SPIRE1: variants seen among roughly 807,000 people sequenced by gnomAD.
The protein encoded by SPIRE1 is spire type actin nucleation factor 1.
Under a neutral mutation model 94.1 loss-of-function variants are expected in SPIRE1, and 40 were observed. The observed-to-expected ratio is 0.43, with a 90% CI of 0.33 to 0.55. The LOEUF (loss-of-function observed/expected upper bound fraction) is 0.55. SPIRE1 is among the 20% of genes least tolerant of loss of function. SPIRE1 has a pLI of 0.06. For missense variants in SPIRE1, 838 were observed against 975.2 expected, an observed-to-expected ratio of 0.86 and a Z score of 1.87; for synonymous variants, 376 against 371.7, an observed-to-expected ratio of 1.01 and a Z score of -0.13.
intron 12 of SPIRE1, among the ~76,000 whole-genome samples, chr18:12,457,710 T>C (rs971857664): frequency 1.3e-5 from 2 of 152,148 alleles, no homozygotes; most frequent in Non-Finnish European, 2.9e-5. Context: ...TTTTTTTTTT[T>C]TGATGATTAT....
chr18:12,561,455 G>A (rs550353864), intron 2 of SPIRE1, among the ~76,000 whole-genome samples: 2 of 151,978 alleles, frequency 1.3e-5, no homozygotes, highest in East Asian at 1.9e-4. Flanking sequence ...TAGTAGAGAC[G>A]GGGTTTCTCC....
chr18:12,618,423 C>T (rs9964759), intron 2 of SPIRE1, among the ~76,000 whole-genome samples: 59,076 of 151,900 alleles, frequency 0.39, 12,166 homozygotes, highest in East Asian at 0.6. Flanking sequence ...TATTAATTAC[C>T]CACAGAAGCC....
chr18:12,471,555 C>T (rs1568191062), intron 10 of SPIRE1, among the ~76,000 whole-genome samples: 2 of 152,058 alleles, frequency 1.3e-5, no homozygotes, highest in Admixed American at 6.6e-5. Flanking sequence ...AACTTCTGGC[C>T]TTAAGTGATC....
Position 12,489,066 on chromosome 18 carries a change from T to C in SPIRE1, c.1190-3066A>G, listed in dbSNP as rs559931538. Among the ~76,000 whole-genome samples the C allele has an allele frequency of 1.1e-3, 173 of 152,258 alleles. 1 individual carries two copies. The highest frequency in any genetic ancestry group is 3.8e-3 in the African/African-American group (157 of 41,550). On this transcript the variant is annotated intron_variant, in intron 8 of 16. Transcript: ENST00000409402. ...AGCCGGGCTTGGTGGCGGGCTCCTG[T>C]AGTCCCAGCTACTCGGGAGGCTGAG...
chr18:12,549,611 C>T (rs911980633), intron 2 of SPIRE1, among the ~76,000 whole-genome samples: 1 of 151,322 alleles, frequency 6.6e-6, no homozygotes, highest in South Asian at 2.1e-4. Context: ...ACCACCATGC[C>T]GGGGTACTTT....
intron 2 of SPIRE1, among the ~76,000 whole-genome samples, chr18:12,571,848 T>C (rs982010076): frequency 5.9e-5 from 9 of 152,372 alleles, no homozygotes; most frequent in Non-Finnish European, 7.3e-5. Context: ...AGGAGGTTTA[T>C]GGCCTTCACA....
chr18:12,655,090 C>T (rs1328926031), intron 1 of SPIRE1, among the ~76,000 whole-genome samples: 30 of 150,834 alleles, frequency 2.0e-4, no homozygotes, highest in Admixed American at 2.0e-3. Context: ...AGGTGGGTTA[C>T]ACCTGTAACC....
chr18:12,635,345 A>G (rs9962448), intron 1 of SPIRE1, among the ~76,000 whole-genome samples: 84 of 152,324 alleles, frequency 5.5e-4, no homozygotes, highest in African/African-American at 1.8e-3. Context: ...GATCTAAAAC[A>G]TATGTACATA....
chr18:12,540,377 CT>C (rs2034979805), intron 3 of SPIRE1, among the ~76,000 whole-genome samples: 1 of 152,082 alleles, frequency 6.6e-6, no homozygotes, highest in South Asian at 2.1e-4. Context: ...TCTAATTTCT[CT>C]GTTACTTTTT....
At chr18:12,576,682 G>A (rs1312160037) in intron 2 of SPIRE1, among the ~76,000 whole-genome samples, 1 of 150,382 alleles carries the variant, frequency 6.6e-6, no homozygotes, top group Non-Finnish European at 1.5e-5. Flanking sequence ...GAGGTCAGGA[G>A]ATCGAGACCA....
intron 4 of SPIRE1, among the ~76,000 whole-genome samples, chr18:12,524,099 A>G (rs1226813566): frequency 1.3e-5 from 2 of 152,226 alleles, no homozygotes; most frequent in Admixed American, 1.3e-4. Flanking sequence ...TCCAACCCGC[A>G]ATATCTCTGA....
At chr18:12,463,978 C>T (rs1010542755) in intron 11 of SPIRE1, among the ~76,000 whole-genome samples, 3 of 152,148 alleles carry the variant, frequency 2.0e-5, no homozygotes, top group South Asian at 2.1e-4. Context: ...AGTGTCTGAA[C>T]GGTTCTGGAT....
rs2031134949 is a variant in SPIRE1, at chr18:12,449,809, C to T, written c.2100G>A (p.Glu700=). The part of the protein sequence containing the change: ...KELMEDWSTM[E]VCVDCKKFIS... ...TGAACTTCTTGCAGTCCACACACAC[C>T]TCCATGGTGCTCCAGTCCTCCATCA... is the stretch of plus-strand genomic sequence containing the variant. Residue 700 remains glutamate (E), a synonymous_variant, in exon 17 of 17, where the codon GAG becomes GAA. Coordinates refer to ENST00000409402, the MANE Select transcript of SPIRE1 (RefSeq NM_001128626.2). The T allele has an allele frequency of 1.9e-6, 3 of 1,614,176 alleles. No individual in the cohort carries two copies. Among genetic ancestry groups the T allele is most frequent in the Admixed American group, 3.3e-5 (2 of 60,020 alleles).
rs2031123473 is a variant in SPIRE1 at position 12,449,655 on chromosome 18, T to C, written c.2254A>G (p.Thr752Ala). Residue 752 changes from threonine to alanine, a missense_variant, in exon 17 of 17, where the codon ACG (threonine) becomes GCG (alanine). Physicochemically the swap from Thr to Ala is moderately conservative, Grantham distance 58. This residue lies in a region of SPIRE1 where 645 missense variants were observed against 804.7 expected (regional missense o/e 0.80). Coordinates refer to ENST00000409402, the MANE Select transcript of SPIRE1 (RefSeq NM_001128626.2). ...GPSEYCPSER[T>A]ISEI ...CACGAGGCTCAGATCTCACTGATCGTCCTCTCTGAAGGGCAGTACTCCGAG... is the reference window on the plus strand; with the variant it reads ...CACGAGGCTCAGATCTCACTGATCGCCCTCTCTGAAGGGCAGTACTCCGAG... The C allele has an allele frequency of 3.1e-6, 5 of 1,613,944 alleles. No individual in the cohort carries two copies. Among genetic ancestry groups the C allele is most frequent in the Non-Finnish European group, 4.2e-6 (5 of 1,180,004 alleles).
At chr18:12,607,823 T>C (rs746559951) in intron 2 of SPIRE1, among the ~76,000 whole-genome samples, 1 of 152,136 alleles carries the variant, frequency 6.6e-6, no homozygotes, top group Non-Finnish European at 1.5e-5. Flanking sequence ...GCTACCCCCA[T>C]ACCCTAATGT....
chr18:12,591,968 C>CAAAAAAAAAAA (rs35668057), intron 2 of SPIRE1, among the ~76,000 whole-genome samples: 50 of 67,438 alleles, frequency 7.4e-4, no homozygotes, highest in African/African-American at 2.7e-3. Flanking sequence ...GACTCCATCT[C>CAAAAAAAAAAA]AAAAAAAAAA....
chr18:12,573,121 T>C (rs922957461), intron 2 of SPIRE1, among the ~76,000 whole-genome samples: 2 of 152,122 alleles, frequency 1.3e-5, no homozygotes. Context: ...ATCCAAAATA[T>C]AGAAAGAATT....
chr18:12,576,201 CA>C (rs1247766782), intron 2 of SPIRE1, among the ~76,000 whole-genome samples: 1 of 147,314 alleles, frequency 6.8e-6, no homozygotes, highest in Admixed American at 6.7e-5. Flanking sequence ...AGACTCGTCT[CA>C]AAAAAAAGAA....
At chr18:12,567,407 A>G (rs1001371472) in intron 2 of SPIRE1, among the ~76,000 whole-genome samples, 1 of 152,232 alleles carries the variant, frequency 6.6e-6, no homozygotes, top group Non-Finnish European at 1.5e-5. Flanking sequence ...TGATCTACAG[A>G]TTCAATGCAA....
Sources: allele counts gnomAD v4.1 joint callset (sites outside exome capture counted in the v4.1 genomes callset), GRCh38; gene constraint gnomAD v4.1.1; regional missense constraint gnomAD v4.1.1; transcripts MANE v1.5; gene names NCBI Gene and HGNC (gene_info 2026-07-23, HGNC 2026-07-21).